TMEM278: variants seen among roughly 807,000 people sequenced by gnomAD.
The protein encoded by TMEM278 is transmembrane protein 278, also known as transmembrane protein 88B.
the TMEM278 span, chr1:1,427,773 T>C: frequency 1.5e-6 from 2 of 1,356,220 alleles, no homozygotes; most frequent in Non-Finnish European, 9.5e-7. Context: ...CGAGCAACTC[T>C]GCGCCTGGGT....
the TMEM278 span, chr1:1,426,041 C>T: frequency 2.5e-4 from 319 of 1,266,964 alleles, no homozygotes; most frequent in Non-Finnish European, 3.0e-4. Context: ...CAACGTGGGG[C>T]GGGGTTAAAG....
the TMEM278 span, chr1:1,427,646 G>A: frequency 3.7e-6 from 5 of 1,341,644 alleles, no homozygotes; most frequent in Admixed American, 2.9e-5. Flanking sequence ...CGCTGCCGCC[G>A]CTGCTGGTGC....
chr1:1,428,309 C>T, the TMEM278 span, among the ~76,000 whole-genome samples: 1 of 151,854 alleles, frequency 6.6e-6, no homozygotes, highest in Non-Finnish European at 1.5e-5. Context: ...GTCCAGGGCT[C>T]TGGGGCTCCC....
the TMEM278 span, chr1:1,427,732 C>T: frequency 7.7e-7 from 1 of 1,303,130 alleles, no homozygotes; most frequent in Non-Finnish European, 9.7e-7. Flanking sequence ...ACCCCCGGAC[C>T]CCGCCGCCCC....
the TMEM278 span, chr1:1,426,356 G>T: frequency 7.0e-7 from 1 of 1,436,222 alleles, no homozygotes. Flanking sequence ...GGCCGCCGTC[G>T]TCTACCTGGG....
the TMEM278 span, among the ~76,000 whole-genome samples, chr1:1,428,854 G>A: frequency 6.6e-6 from 1 of 152,088 alleles, no homozygotes; most frequent in East Asian, 1.9e-4. Flanking sequence ...ACAGAAATTA[G>A]CTGGGCTTGG....
At chr1:1,428,165 A>G in the TMEM278 span, among the ~76,000 whole-genome samples, 91 of 42,084 alleles carry the variant, frequency 2.2e-3, 2 homozygotes, top group African/African-American at 7.2e-3. Context: ...GAGGTGAGGG[A>G]AAGAGAGGAG....
At chr1:1,426,365 G>A in the TMEM278 span, 7 of 1,430,506 alleles carry the variant, frequency 4.9e-6, no homozygotes, top group East Asian at 2.7e-5. Flanking sequence ...CGTCTACCTG[G>A]GATTCCTGTG....
At chr1:1,427,995 AAG>A in the TMEM278 span, among the ~76,000 whole-genome samples, 50 of 20,170 alleles carry the variant, frequency 2.5e-3, no homozygotes, top group East Asian at 0.013. Context: ...AGGGGAGGGG[AAG>A]AGAGGGGAGG....
the TMEM278 span, among the ~76,000 whole-genome samples, chr1:1,427,991 GGGGAA>G: frequency 7.5e-6 from 1 of 133,612 alleles, no homozygotes. Flanking sequence ...GGGGAGGGGA[GGGGAA>G]GAGAGGGGAG....
the TMEM278 span, among the ~76,000 whole-genome samples, chr1:1,428,451 A>G: frequency 6.6e-6 from 1 of 152,046 alleles, no homozygotes; most frequent in Admixed American, 6.5e-5. Context: ...GGGAGACACT[A>G]AGATCTCCTC....
At chr1:1,426,051 G>T in the TMEM278 span, 1 of 1,279,714 alleles carries the variant, frequency 7.8e-7, no homozygotes, top group Non-Finnish European at 9.9e-7. Context: ...CGGGGTTAAA[G>T]GTCTTCCAGG....
At chr1:1,429,987 A>G in the TMEM278 span, among the ~76,000 whole-genome samples, 3 of 152,162 alleles carry the variant, frequency 2.0e-5, no homozygotes, top group Admixed American at 1.3e-4. Context: ...CAGCCTCCCA[A>G]GTAGCTGTGA....
chr1:1,429,271 A>C, the TMEM278 span, among the ~76,000 whole-genome samples: 1 of 151,202 alleles, frequency 6.6e-6, no homozygotes, highest in East Asian at 2.0e-4. Flanking sequence ...TCATTTGAAC[A>C]CTGGAGGCAG....
At chr1:1,427,599 CGCG>C in the TMEM278 span, 1 of 1,280,542 alleles carries the variant, frequency 7.8e-7, no homozygotes, top group Admixed American at 3.5e-5. Context: ...GTTCTCAGAC[CGCG>C]GCTCCGCGGC....
the TMEM278 span, among the ~76,000 whole-genome samples, chr1:1,427,077 C>T: frequency 1.4e-5 from 2 of 146,050 alleles, no homozygotes; most frequent in Non-Finnish European, 3.0e-5. Context: ...CCTCCATCTC[C>T]CCCCTCCCTC....
chr1:1,426,140 G>A, the TMEM278 span: 10 of 1,410,348 alleles, frequency 7.1e-6, no homozygotes, highest in East Asian at 5.7e-5. Flanking sequence ...GAGTGAGCAG[G>A]GGAGGGAGAC....
At chr1:1,426,987 G>A in the TMEM278 span, among the ~76,000 whole-genome samples, 2 of 151,230 alleles carry the variant, frequency 1.3e-5, no homozygotes, top group Non-Finnish European at 3.0e-5. Flanking sequence ...TCACCCCTCA[G>A]CACTGCCTGG....
At chr1:1,426,438 G>A in the TMEM278 span, 1,054 of 1,304,392 alleles carry the variant, frequency 8.1e-4, 3 homozygotes, top group Middle Eastern at 7.3e-3. Flanking sequence ...GGGAGTGGGC[G>A]TGCCCTGGGT....
Sources: gnomAD v4.1 joint callset for allele counts (sites outside exome capture counted in the v4.1 genomes callset) on GRCh38, gnomAD v4.1.1 for gene constraint, MANE v1.5 for transcripts, NCBI Gene and HGNC (gene_info 2026-07-23, HGNC 2026-07-21) for gene names.